The following RPAP1 variants were observed in gnomAD, a reference collection of about 807,000 sequenced individuals.
RPAP1 encodes RNA polymerase II associated protein 1.
Under a neutral mutation model 142.4 loss-of-function variants are expected in RPAP1, and 109 were observed. The observed-to-expected ratio is 0.77, with a 90% confidence interval of 0.66 to 0.90. The LOEUF is 0.90. Ranked by LOEUF, RPAP1 falls within the 40% of genes least tolerant of loss-of-function variation. The pLI, the probability that RPAP1 is intolerant of heterozygous loss-of-function variation, is 0.00. For synonymous variants in RPAP1, 704 were observed against 738.9 expected, an observed-to-expected ratio of 0.95 and a Z score of 0.77; for missense variants, 1,546 against 1,751.7, an observed-to-expected ratio of 0.88 and a Z score of 2.10.
chr15:41,523,028 G>T, intron 18 of RPAP1, 68 bp from the exon 19 acceptor site: 1 of 1,366,120 alleles, frequency 7.3e-7, no homozygotes, highest in Non-Finnish European at 9.8e-7. Flanking sequence ...AAGAGCTTCT[G>T]GGTCTGTACC....
intron 1 of RPAP1, among the ~76,000 whole-genome samples, chr15:41,539,575 C>T (rs11858506): frequency 0.69 from 104,950 of 151,496 alleles, 36,951 homozygotes; most frequent in East Asian, 0.85. Flanking sequence ...GGATTACAGG[C>T]GTGAGCCACC....
chr15:41,539,752 T>C (rs1323244084), intron 1 of RPAP1, among the ~76,000 whole-genome samples: 2 of 151,562 alleles, frequency 1.3e-5, no homozygotes, highest in African/African-American at 4.8e-5. Flanking sequence ...AAATGATGAA[T>C]TCTGGCCAGG....
At chr15:41,524,901 G>T in intron 15 of RPAP1, 90 bp downstream of exon 15, 1 of 1,348,036 alleles carries the variant, frequency 7.4e-7, no homozygotes, top group Non-Finnish European at 1.0e-6. Flanking sequence ...CTCCAAGCTT[G>T]GGACCTTGAG....
At chr15:41,531,334 G>A (rs1236533487) in intron 6 of RPAP1, 132 bp from the exon 7 acceptor site, 1 of 886,960 alleles carries the variant, frequency 1.1e-6, no homozygotes, top group Non-Finnish European at 1.7e-6. Context: ...GCCTGGGCCT[G>A]AGCCTTCTGG....
chr15:41,527,656 G>T, intron 11 of RPAP1, 51 bp from the exon 12 acceptor site: 1 of 1,556,058 alleles, frequency 6.4e-7, no homozygotes, highest in South Asian at 1.2e-5. Context: ...CCAGGAAATG[G>T]ATCCAGGAGT....
Position 41,536,120 on chromosome 15 carries a change from C to T in RPAP1, c.420+9G>A. On this transcript the variant is annotated intron_variant, in intron 4 of 24. Transcript: ENST00000304330. ...CTCCTGAGCACCACCTAAGCTTACC[C>T]TTGCCTACCTGTGTGTCCCGCGAGC... The T allele has an allele frequency of 6.2e-7, 1 of 1,612,626 alleles. No homozygotes were observed. The highest frequency in any genetic ancestry group is 8.5e-7 in the Non-Finnish European group (1 of 1,178,724).
Position 41,517,794 on chromosome 15 carries a change from C to G in RPAP1, c.4032+4G>C, listed in dbSNP as rs149632737. The G allele has an allele frequency of 0.02, 32,456 of 1,614,176 alleles. 399 individuals carry two copies. The highest frequency in any genetic ancestry group is 0.033 in the Middle Eastern group (200 of 6,062). On this transcript the variant is annotated splice_donor_region_variant and intron_variant, in intron 24 of 24. Coordinates refer to ENST00000304330, the MANE Select transcript of RPAP1 (RefSeq NM_015540.4). ...TCCCACCCTCCTAATGGCCCTGACC[C>G]TACCTCATCTGCCAGCAGCCATGTT...
intron 12 of RPAP1, 31 bp from the exon 13 acceptor site, chr15:41,527,332 A>G (rs747966705): frequency 6.2e-7 from 1 of 1,613,904 alleles, no homozygotes; most frequent in Non-Finnish European, 8.5e-7. Flanking sequence ...CCCACTGACA[A>G]ATGCAGCTGG....
Position 41,517,429 on chromosome 15 carries a change from G to A in RPAP1, c.*113C>T, listed in dbSNP as rs2051675938. 2 of 1,033,512 alleles carry A rather than the reference G, an allele frequency of 1.9e-6. No homozygotes were observed. The highest frequency in any genetic ancestry group is 3.2e-5 in the African/African-American group (2 of 62,560). 64.0% of individuals were successfully genotyped at this position (1,033,512 alleles called of 1,614,324 possible). ...CTGCTCCCAGGAAGGCAAGCCTTCTGCTCCTTGGTCTCCTGCCTACCATTA... is the reference window on the plus strand; with the variant it reads ...CTGCTCCCAGGAAGGCAAGCCTTCTACTCCTTGGTCTCCTGCCTACCATTA... On this transcript the variant is annotated 3_prime_UTR_variant, in exon 25 of 25. Coordinates refer to ENST00000304330, the MANE Select transcript of RPAP1 (RefSeq NM_015540.4).
chr15:41,518,308 G>C (rs2051688982), intron 22 of RPAP1, 126 bp from the exon 23 acceptor site: 1 of 767,466 alleles, frequency 1.3e-6, no homozygotes, highest in African/African-American at 1.8e-5. Flanking sequence ...ACAAACATCT[G>C]TCCTTCTAGC....
In RPAP1 at chr15:41,536,941, T is replaced by A. The variant is rs1263001681; in HGVS notation, c.181+4A>T. Reference sequence around the variant, plus strand: ...TTCTCAGCCTCACATCCATGGGAACTCACTGTCCAACATCACCACATCCCG... The same window carrying A: ...TTCTCAGCCTCACATCCATGGGAACACACTGTCCAACATCACCACATCCCG... On this transcript the variant is annotated splice_donor_region_variant and intron_variant, in intron 2 of 24. Coordinates refer to ENST00000304330, the MANE Select transcript of RPAP1 (RefSeq NM_015540.4). 8.7e-6 allele frequency: 14 copies of A among 1,612,598 alleles called. No individual in the cohort carries two copies. The highest frequency in any genetic ancestry group is 1.1e-5 in the Non-Finnish European group (13 of 1,178,914).
At chr15:41,537,246 T>G in intron 1 of RPAP1, 45 bp from the exon 2 acceptor site, 1 of 949,958 alleles carries the variant, frequency 1.1e-6, no homozygotes, top group Non-Finnish European at 1.6e-6. Flanking sequence ...TGAACCCTGA[T>G]TCTCTTTATT....
chr15:41,540,375 C>A (rs906833247), intron 1 of RPAP1, among the ~76,000 whole-genome samples: 2 of 150,354 alleles, frequency 1.3e-5, no homozygotes, highest in Non-Finnish European at 2.9e-5. Flanking sequence ...GATCTCGGCT[C>A]ACTGCAACCT....
chr15:41,524,379 T>C, intron 15 of RPAP1, 125 bp from the exon 16 acceptor site: 1 of 761,254 alleles, frequency 1.3e-6, no homozygotes, highest in Non-Finnish European at 1.9e-6. Context: ...AGTGGGGCAC[T>C]CTTGGAAGGC....
rs1447683982 is a variant in RPAP1 at position 41,520,769 on chromosome 15, C to T, written c.3417G>A (p.Leu1139=). 2 of 1,613,698 alleles carry T rather than the reference C, an allele frequency of 1.2e-6. No individual in the cohort carries two copies. The highest frequency in any genetic ancestry group is 1.7e-5 in the Admixed American group (1 of 60,018). The change falls in exon 22 of 25, where the codon TTG becomes TTA. Residue 1139 remains leucine, a synonymous_variant. Transcript: ENST00000304330. ...AGAGAGCCTGGGGGCGCCAGCTCTC[C>T]AAAACTAGCACCCACTGCAGGACCC... ...AMRVLQWVLV[L]ESWRPQALWA...
intron 15 of RPAP1, 146 bp downstream of exon 15, chr15:41,524,845 G>C (rs1202026483): frequency 1.3e-6 from 1 of 783,090 alleles, no homozygotes; most frequent in South Asian, 1.8e-5. Context: ...TGACTCCTAA[G>C]CCTTTTCACA....
At position 41,524,187 on chromosome 15, in the gene RPAP1, G is replaced by T; in HGVS notation, c.2143C>A (p.Gln715Lys). 1 of 1,592,030 alleles carries T rather than the reference G, an allele frequency of 6.3e-7. No homozygotes were observed. Among genetic ancestry groups the T allele is most frequent in the Non-Finnish European group, 8.6e-7 (1 of 1,167,602 alleles). Residue 715 changes from glutamine to lysine, a missense_variant, in exon 16 of 25, where the codon CAA becomes AAA. This residue lies in a region of RPAP1 where 1,333 missense variants were observed against 1,486.6 expected (regional missense o/e 0.90). Coordinates refer to ENST00000304330, the MANE Select transcript of RPAP1 (RefSeq NM_015540.4). The stretch of plus-strand genomic sequence containing the variant: ...GCTATCCGCTGCATGGACAGGGGTT[G>T]AGGTGGGTGGGTGCTGAGCTCCCGC... Reference protein sequence around the residue: ...VPRELSTHPPQPLSMQRIASL... With the variant: ...VPRELSTHPPKPLSMQRIASL...
intron 22 of RPAP1, among the ~76,000 whole-genome samples, chr15:41,518,854 A>G (rs2051696247): frequency 6.6e-6 from 1 of 152,086 alleles, no homozygotes. Flanking sequence ...TCAAAAACAA[A>G]AACAAAAACC....
intron 11 of RPAP1, 75 bp downstream of exon 11, chr15:41,527,785 T>C: frequency 6.4e-7 from 1 of 1,570,984 alleles, no homozygotes; most frequent in Non-Finnish European, 8.7e-7. Context: ...GCCTTAGCAA[T>C]GGGGCCATGC....
Sources: gnomAD v4.1 joint callset for allele counts (sites outside exome capture counted in the v4.1 genomes callset) on GRCh38, gnomAD v4.1.1 for gene constraint, gnomAD v4.1.1 regional missense constraint, MANE v1.5 for transcripts, NCBI Gene and HGNC (gene_info 2026-07-23, HGNC 2026-07-21) for gene names.